SPAG16: variants seen among roughly 807,000 people sequenced by gnomAD.
SPAG16 encodes the protein sperm-associated antigen 16 protein.
SPAG16 carries 86 observed loss-of-function variants against 80.4 expected under a neutral mutation model. The observed-to-expected ratio is 1.07, with a 90% CI of 0.90 to 1.28. The LOEUF is 1.28. SPAG16 is among the 50% of genes most tolerant of loss of function. The probability of loss-of-function intolerance (pLI) is 0.00; values close to 1 mark genes in which losing one functional copy is unlikely to be tolerated. For synonymous variants in SPAG16, 294 were observed against 265.9 expected (o/e 1.11, Z -1.03); for missense variants, 870 against 765.3 (o/e 1.14, Z -1.61).
In SPAG16 at chr2:213,602,294, A is replaced by T. The variant is rs1165476332; in HGVS notation, c.1070+112204A>T. 6.6e-5 allele frequency among the ~76,000 whole-genome samples: 10 copies of T among 152,280 alleles called. No homozygotes were observed. In the East Asian group the frequency reaches 1.9e-3, roughly 29 times the overall value. ...AACAAATCCCCATTAAGTGACCCAG[A>T]TCTATAATTTAAAATAACAGTGGGA... is the stretch of plus-strand genomic sequence containing the variant. On this transcript the variant is annotated intron_variant, in intron 10 of 15. Transcript: ENST00000331683.
In SPAG16 at chr2:213,532,872, A is replaced by G. The variant is rs375125527; in HGVS notation, c.1070+42782A>G. ...ATTCTTATGCTTCTATCTTATAACCATTTAAAGTTATTTAGTTGGTTAGCT... is the reference window on the plus strand; with the variant it reads ...ATTCTTATGCTTCTATCTTATAACCGTTTAAAGTTATTTAGTTGGTTAGCT... On this transcript the variant is annotated intron_variant, in intron 10 of 15. Coordinates refer to ENST00000331683, the MANE Select transcript of SPAG16 (RefSeq NM_024532.5). 5.3e-5 allele frequency among the ~76,000 whole-genome samples: 8 copies of G among 152,270 alleles called. No homozygotes were observed. In the East Asian group the frequency reaches 1.5e-3, roughly 29 times the overall value.
At chr2:213,406,666 C>G (rs2068621276) in intron 9 of SPAG16, among the ~76,000 whole-genome samples, 1 of 152,126 alleles carries the variant, frequency 6.6e-6, no homozygotes, top group African/African-American at 2.4e-5. Flanking sequence ...CACCATTGTT[C>G]CATCTGTATG....
intron 9 of SPAG16, among the ~76,000 whole-genome samples, chr2:213,440,093 T>A (rs997854713): frequency 6.6e-6 from 1 of 150,956 alleles, no homozygotes; most frequent in Non-Finnish European, 1.5e-5. Context: ...TAATCTGAAC[T>A]GAAATTCCTG....
chr2:213,479,585 G>GA (rs534782972), intron 9 of SPAG16, among the ~76,000 whole-genome samples: 3 of 151,312 alleles, frequency 2.0e-5, no homozygotes, highest in Non-Finnish European at 1.5e-5. Flanking sequence ...GGCTCCTTTT[G>GA]AAAAAAAAGC....
At chr2:213,867,644 C>T (rs912757245) in intron 11 of SPAG16, among the ~76,000 whole-genome samples, 2 of 152,030 alleles carry the variant, frequency 1.3e-5, no homozygotes, top group African/African-American at 4.8e-5. Context: ...ATAGCTCGGC[C>T]GTGTTCAGTG....
chr2:214,349,702 A>G (rs895320141), intron 15 of SPAG16, among the ~76,000 whole-genome samples: 3 of 152,232 alleles, frequency 2.0e-5, no homozygotes, highest in Non-Finnish European at 4.4e-5. Context: ...TCTCACCACC[A>G]ATGCACAAGA....
At chr2:214,383,719 A>G (rs1309378691) in intron 15 of SPAG16, among the ~76,000 whole-genome samples, 3 of 152,188 alleles carry the variant, frequency 2.0e-5, no homozygotes, top group Non-Finnish European at 4.4e-5. Flanking sequence ...GAGTTGGGTG[A>G]GGGCAAGTGT....
At chr2:214,177,916 C>CATATATATAT (rs10622953) in intron 15 of SPAG16, among the ~76,000 whole-genome samples, 2,555 of 92,146 alleles carry the variant, frequency 0.028, 144 homozygotes, top group Middle Eastern at 0.042. Flanking sequence ...TATATATATA[C>CATATATATAT]ATATATATAT....
At chr2:214,205,701 A>G (rs893871240) in intron 15 of SPAG16, among the ~76,000 whole-genome samples, 3 of 152,210 alleles carry the variant, frequency 2.0e-5, no homozygotes, top group African/African-American at 7.2e-5. Flanking sequence ...TATGTCATCA[A>G]TTTGAGGGTA....
intron 10 of SPAG16, among the ~76,000 whole-genome samples, chr2:213,574,447 G>A (rs902083477): frequency 6.6e-6 from 1 of 151,994 alleles, no homozygotes; most frequent in Admixed American, 6.6e-5. Context: ...TAGAGTTGTT[G>A]ACATTTAAGG....
intron 10 of SPAG16, among the ~76,000 whole-genome samples, chr2:213,828,735 C>T (rs932004311): frequency 6.6e-6 from 1 of 152,218 alleles, no homozygotes; most frequent in Non-Finnish European, 1.5e-5. Context: ...AGAGCCATAT[C>T]TGCATTAGGG....
chr2:214,109,374 A>C (rs1317317927), intron 14 of SPAG16, among the ~76,000 whole-genome samples: 1 of 152,184 alleles, frequency 6.6e-6, no homozygotes, highest in East Asian at 1.9e-4. Flanking sequence ...AGGTTCATTT[A>C]AACTCTATGA....
intron 9 of SPAG16, among the ~76,000 whole-genome samples, chr2:213,400,662 A>T (rs1414190662): frequency 2.6e-5 from 4 of 152,174 alleles, no homozygotes; most frequent in Non-Finnish European, 5.9e-5. Flanking sequence ...AGTATCCTGT[A>T]CACCTAGATG....
intron 13 of SPAG16, among the ~76,000 whole-genome samples, chr2:214,081,103 A>C (rs902830479): frequency 2.0e-5 from 3 of 150,778 alleles, no homozygotes; most frequent in East Asian, 1.9e-4. Flanking sequence ...ATATAATATT[A>C]GAATTTAAAT....
chr2:213,422,454 C>A (rs913690276), intron 9 of SPAG16: 6 of 585,598 alleles, frequency 1.0e-5, no homozygotes, highest in Non-Finnish European at 1.8e-5. Flanking sequence ...CCCCTCACCT[C>A]TCTGCTCCTG....
intron 1 of SPAG16, among the ~76,000 whole-genome samples, chr2:213,288,828 C>A (rs893988683): frequency 1.3e-5 from 2 of 152,054 alleles, no homozygotes; most frequent in African/African-American, 4.8e-5. Context: ...TTGTTCTGAA[C>A]CCTAAAGTGT....
At chr2:213,833,463 T>C in intron 10 of SPAG16, among the ~76,000 whole-genome samples, 2 of 19,130 alleles carry the variant, frequency 1.0e-4, no homozygotes, top group African/African-American at 5.7e-4. Flanking sequence ...ATTATATATA[T>C]ATTATATATA....
At chr2:213,329,827 C>A (rs1232829322) in intron 5 of SPAG16, among the ~76,000 whole-genome samples, 31 of 152,154 alleles carry the variant, frequency 2.0e-4, no homozygotes, top group Non-Finnish European at 2.9e-5. Context: ...AAAAATAGTT[C>A]TATGGGCTGG....
chr2:213,520,903 C>G (rs1575822707), intron 10 of SPAG16, among the ~76,000 whole-genome samples: 2 of 152,276 alleles, frequency 1.3e-5, no homozygotes, highest in Non-Finnish European at 2.9e-5. Flanking sequence ...TTGGACAAAT[C>G]CTGCTCTTGA....
Sources: gnomAD v4.1 joint callset for allele counts (sites outside exome capture counted in the v4.1 genomes callset) on GRCh38, gnomAD v4.1.1 for gene constraint, MANE v1.5 for transcripts, NCBI Gene and HGNC (gene_info 2026-07-23, HGNC 2026-07-21) for gene names.